The following MLXIPL variants were observed in gnomAD, a reference collection of about 807,000 sequenced individuals.
MLXIPL encodes carbohydrate-responsive element-binding protein.
A neutral mutation model predicts 81.5 loss-of-function variants in MLXIPL; 49 were observed. The observed-to-expected ratio is 0.60, with a 90% CI of 0.48 to 0.76. The LOEUF is 0.76. Among genes scored for constraint, MLXIPL ranks in the 30% least tolerant of loss-of-function variants. The pLI is 0.00. For synonymous variants in MLXIPL, 466 were observed against 485.5 expected (o/e 0.96, Z 0.53); for missense variants, 1,053 against 1,167.0 (o/e 0.90, Z 1.42).
chr7:73,637,728 T>C, the MLXIPL span, among the ~76,000 whole-genome samples: 6 of 152,124 alleles, frequency 3.9e-5, no homozygotes, highest in African/African-American at 1.4e-4. Context: ...GACAGCAACT[T>C]CCTGTGAGCT....
the MLXIPL span, among the ~76,000 whole-genome samples, chr7:73,646,575 G>A: frequency 6.6e-6 from 1 of 152,232 alleles, no homozygotes; most frequent in Non-Finnish European, 1.5e-5. Context: ...AGCAGACTGT[G>A]TCCTTAGGGG....
chr7:73,626,025 AC>A (rs1796721701), upstream of MLXIPL, among the ~76,000 whole-genome samples: 1 of 152,062 alleles, frequency 6.6e-6, no homozygotes, highest in African/African-American at 2.4e-5. Context: ...TTGTTTTGAG[AC>A]GGAGGCTCAC....
chr7:73,608,938 C>T (rs1162518235), intron 2 of MLXIPL, among the ~76,000 whole-genome samples: 1 of 151,790 alleles, frequency 6.6e-6, no homozygotes, highest in African/African-American at 2.4e-5. Context: ...GCGATCCTCC[C>T]GCCTCAGCCT....
the MLXIPL span, among the ~76,000 whole-genome samples, chr7:73,638,357 T>C: frequency 1.3e-5 from 2 of 152,362 alleles, no homozygotes; most frequent in East Asian, 3.9e-4. Context: ...CAGGCTGGAA[T>C]GCAGTGGCAC....
the MLXIPL span, among the ~76,000 whole-genome samples, chr7:73,638,994 AGAG>A: frequency 6.6e-6 from 1 of 151,932 alleles, no homozygotes. Flanking sequence ...AAAATAGTAG[AGAG>A]GAGAAAAAAA....
intron 2 of MLXIPL, 42 bp from the exon 3 acceptor site, chr7:73,607,714 T>C (rs1554598832): frequency 6.4e-7 from 1 of 1,563,322 alleles, no homozygotes; most frequent in Non-Finnish European, 8.8e-7. Context: ...AGCTTCCTCA[T>C]CCCCCACCTC....
chr7:73,607,543 TGGGTGGGC>T (rs782367693), intron 3 of MLXIPL, 39 bp downstream of exon 3: 14 of 1,596,822 alleles, frequency 8.8e-6, no homozygotes, highest in Middle Eastern at 1.8e-4. Context: ...CTGGTCTTGG[TGGGTGGGC>T]AGGTGGGCAG....
At chr7:73,595,182 G>A (rs1794174125) in intron 15 of MLXIPL, among the ~76,000 whole-genome samples, 2 of 152,036 alleles carry the variant, frequency 1.3e-5, no homozygotes, top group African/African-American at 4.8e-5. Context: ...GACCTTCCCA[G>A]CTCTCTGCCT....
At chr7:73,604,796 G>T (rs563539307) in intron 7 of MLXIPL, among the ~76,000 whole-genome samples, 1 of 152,042 alleles carries the variant, frequency 6.6e-6, no homozygotes, top group East Asian at 1.9e-4. Context: ...ACAGAGTCTT[G>T]CTCTGTCACC....
At chr7:73,599,769 G>C in intron 7 of MLXIPL, 74 bp from the exon 8 acceptor site, 2 of 1,441,248 alleles carry the variant, frequency 1.4e-6, no homozygotes, top group African/African-American at 1.4e-5. Context: ...GAGGAGAGTG[G>C]CCTGTCCCCA....
intron 1 of MLXIPL, among the ~76,000 whole-genome samples, chr7:73,617,420 G>A (rs1414699066): frequency 9.2e-5 from 14 of 152,112 alleles, no homozygotes; most frequent in Non-Finnish European, 1.9e-4. Context: ...TGGACTCAGC[G>A]AGAAGGTGTG....
intron 2 of MLXIPL, chr7:73,609,351 T>G (rs1473195139): frequency 6.6e-6 from 1 of 151,108 alleles, no homozygotes; most frequent in Non-Finnish European, 1.5e-5. Flanking sequence ...TTCAAGCGAT[T>G]CTCCTGCCTC....
At position 73,624,324 on chromosome 7, in the gene MLXIPL, GCGA is replaced by G. The variant is rs782727019; in HGVS notation, c.166_168del (p.Ser56del). The G allele has an allele frequency of 6.3e-6, 10 of 1,588,324 alleles. No homozygotes were observed. Among genetic ancestry groups the G allele is most frequent in the Non-Finnish European group, 1.7e-6 (2 of 1,169,742 alleles). ...CGCCGGGGCAGCGAGTCGCTGTGCGGCGACGACACCATGAAGTGACCGCTGTGG... is the reference window on the plus strand; with the variant it reads ...CGCCGGGGCAGCGAGTCGCTGTGCGGCGACACCATGAAGTGACCGCTGTGG... On this transcript the variant is annotated inframe_deletion, in exon 1 of 17. Coordinates refer to ENST00000313375, the MANE Select transcript of MLXIPL (RefSeq NM_032951.3).
rs1796493272 is a variant in MLXIPL at position 73,623,192 on chromosome 7, G to T, written c.293+1008C>A. Among the ~76,000 whole-genome samples, 1 of 152,228 alleles carries T rather than the reference G, an allele frequency of 6.6e-6. No homozygotes were observed. The highest frequency in any genetic ancestry group is 1.9e-4 in the East Asian group (1 of 5,202). On this transcript the variant is annotated intron_variant, in intron 1 of 16. Coordinates refer to ENST00000313375, the MANE Select transcript of MLXIPL (RefSeq NM_032951.3). This position sits in a 1 kb window ranked among gnomAD's most constrained non-coding sequence, Gnocchi z 5.7. ...CCTCACAGTCCCCACCCCAGCTCCTGCTCCCCCGCAGGGCGGCAGGTGCCG... is the reference window on the plus strand; with the variant it reads ...CCTCACAGTCCCCACCCCAGCTCCTTCTCCCCCGCAGGGCGGCAGGTGCCG...
intron 7 of MLXIPL, among the ~76,000 whole-genome samples, chr7:73,603,747 C>A (rs977261131): frequency 6.6e-6 from 1 of 152,174 alleles, no homozygotes; most frequent in South Asian, 2.1e-4. Context: ...TCGGGAATAA[C>A]CTGCAAGACC....
the MLXIPL span, among the ~76,000 whole-genome samples, chr7:73,642,754 C>T: frequency 3.3e-5 from 5 of 152,326 alleles, no homozygotes; most frequent in South Asian, 1.0e-3. Flanking sequence ...CCTTGGCCTC[C>T]CAGAGTCCTG....
At chr7:73,597,776 TG>T (rs1378370037) in intron 8 of MLXIPL, 63 bp from the exon 9 acceptor site, 121 of 1,248,142 alleles carry the variant, frequency 9.7e-5, no homozygotes, top group Non-Finnish European at 1.2e-4. Flanking sequence ...GGCAGCCATC[TG>T]GGCCTCCCCT....
chr7:73,602,117 TGCCTG>T (rs1794890588), intron 7 of MLXIPL, among the ~76,000 whole-genome samples: 4 of 143,156 alleles, frequency 2.8e-5, no homozygotes, highest in African/African-American at 1.1e-4. Context: ...CCTGCCTGCC[TGCCTG>T]CCTGCCTGCC....
chr7:73,616,146 A>T lies in MLXIPL; in HGVS notation c.325T>A (p.Phe109Ile). The change falls in exon 2 of 17, where the codon TTC (phenylalanine) becomes ATC (isoleucine). Residue 109 changes from phenylalanine to isoleucine, a missense_variant. Transcript: ENST00000313375. ...CTGCAGAGCAGCTTGAGGCCTTTGA[A>T]ATTCTTCCACTTGGGAGACACCAGC... ...GKLVSPKWKN[F>I]KGLKLLCRDK... The T allele has an allele frequency of 6.2e-7, 1 of 1,614,010 alleles. No individual in the cohort carries two copies. The highest frequency in any genetic ancestry group is 8.5e-7 in the Non-Finnish European group (1 of 1,179,992).
Sources: allele counts gnomAD v4.1 joint callset (sites outside exome capture counted in the v4.1 genomes callset), GRCh38; gene constraint gnomAD v4.1.1; non-coding constraint Gnocchi (gnomAD v3.1); transcripts MANE v1.5; gene names NCBI Gene and HGNC (gene_info 2026-07-23, HGNC 2026-07-21).